Variants in TBC1D8 observed in about 807,000 individuals in gnomAD.
TBC1D8 encodes TBC1 domain family member 8, also known as BUB2-like protein 1.
A neutral mutation model predicts 118.8 loss-of-function variants in TBC1D8; 65 were observed. That is an observed-to-expected ratio of 0.55 (90% CI 0.45 to 0.67). The LOEUF is 0.67. TBC1D8 is among the 30% of genes least tolerant of loss of function. The pLI is 0.00. For missense variants in TBC1D8, 1,376 were observed against 1,471.2 expected (o/e 0.94, Z 1.06); for synonymous variants, 566 against 595.8 (o/e 0.95, Z 0.73).
chr2:101,071,390 T>TAAGC (rs1168695149), intron 2 of TBC1D8, among the ~76,000 whole-genome samples: 146 of 149,138 alleles, frequency 9.8e-4, no homozygotes, highest in African/African-American at 3.5e-3. Flanking sequence ...AATAAATAAA[T>TAAGC]AAGCATCGGC....
At chr2:101,037,322 C>G (rs568965613) in intron 8 of TBC1D8, among the ~76,000 whole-genome samples, 12 of 152,332 alleles carry the variant, frequency 7.9e-5, no homozygotes, top group African/African-American at 2.4e-4. Flanking sequence ...GAGAGCTGCG[C>G]GAGGTTTACC....
chr2:101,045,950 G>A (rs920938064), intron 5 of TBC1D8, among the ~76,000 whole-genome samples: 22 of 152,040 alleles, frequency 1.4e-4, no homozygotes, highest in Non-Finnish European at 2.1e-4. Context: ...CTGAGATCAC[G>A]CCACCGCACT....
intron 1 of TBC1D8, among the ~76,000 whole-genome samples, chr2:101,147,480 T>C (rs1370921341): frequency 3.3e-5 from 5 of 152,182 alleles, no homozygotes; most frequent in Non-Finnish European, 5.9e-5. Flanking sequence ...ACGTTTTTCC[T>C]TTGTCTTTTC....
Position 101,045,210 on chromosome 2 carries a change from T to C in TBC1D8, c.873-4825A>G, listed in dbSNP as rs114812842. 1.0e-2 allele frequency among the ~76,000 whole-genome samples: 1,521 copies of C among 152,308 alleles called. 17 individuals carry two copies. Among genetic ancestry groups the C allele is most frequent in the South Asian group, 0.015 (73 of 4,832 alleles). On this transcript the variant is annotated intron_variant, in intron 5 of 19. Coordinates refer to ENST00000409318, the MANE Select transcript of TBC1D8 (RefSeq NM_001330348.2). ...TTCTAGAAAAGTTACACTTACACAT[T>C]CTTAAAAAAATTCAGCTTAATCCCT...
chr2:101,093,354 T>C (rs1445263175), intron 1 of TBC1D8, among the ~76,000 whole-genome samples: 1 of 152,116 alleles, frequency 6.6e-6, no homozygotes, highest in Non-Finnish European at 1.5e-5. Context: ...CATACTTACA[T>C]ACATACTTAC....
rs374576474 is a variant in TBC1D8, at chr2:101,148,450, T to C, written c.127+2677A>G. ...TTTAGCAATGAAAAAAATAAATTGG[T>C]ATATTGTAAGAGAAAGTGAGAAGGA... On this transcript the variant is annotated intron_variant, in intron 1 of 19. Transcript: ENST00000409318. Among the ~76,000 whole-genome samples, 117 of 151,956 alleles carry C rather than the reference T, an allele frequency of 7.7e-4. 2 individuals carry two copies. The highest frequency in any genetic ancestry group is 2.3e-3 in the African/African-American group (95 of 41,444).
At chr2:101,050,331 A>G (rs1418567907) in intron 5 of TBC1D8, 70 bp downstream of exon 5, 15 of 1,543,264 alleles carry the variant, frequency 9.7e-6, no homozygotes, top group Non-Finnish European at 1.2e-5. Context: ...AAGCACTTGT[A>G]CATAAGGGAT....
At chr2:101,129,582 C>T (rs998217580) in intron 1 of TBC1D8, among the ~76,000 whole-genome samples, 1 of 152,148 alleles carries the variant, frequency 6.6e-6, no homozygotes, top group African/African-American at 2.4e-5. Context: ...GCCAGGAACA[C>T]CCACATTTCA....
intron 1 of TBC1D8, among the ~76,000 whole-genome samples, chr2:101,116,987 G>A (rs1677849413): frequency 1.3e-5 from 2 of 152,080 alleles, no homozygotes; most frequent in Non-Finnish European, 2.9e-5. Flanking sequence ...TACTGGAGGT[G>A]GTAGGCCCTT....
At chr2:101,078,613 A>C (rs1191785880) in intron 2 of TBC1D8, among the ~76,000 whole-genome samples, 1 of 151,958 alleles carries the variant, frequency 6.6e-6, no homozygotes, top group Non-Finnish European at 1.5e-5. Context: ...ATAACTCAAG[A>C]AGGGCAAAAC....
chr2:101,073,397 C>A (rs970128081), intron 2 of TBC1D8, among the ~76,000 whole-genome samples: 1 of 151,572 alleles, frequency 6.6e-6, no homozygotes, highest in Non-Finnish European at 1.5e-5. Context: ...TGGGTTCATG[C>A]CATTCTCCTG....
At chr2:101,077,179 A>T (rs1209057601) in intron 2 of TBC1D8, among the ~76,000 whole-genome samples, 1 of 150,778 alleles carries the variant, frequency 6.6e-6, no homozygotes, top group African/African-American at 2.4e-5. Flanking sequence ...GCCCACCACC[A>T]CGCCCAGCTA....
chr2:101,090,629 C>T (rs141441021), intron 1 of TBC1D8, among the ~76,000 whole-genome samples: 1,616 of 152,316 alleles, frequency 0.011, 29 homozygotes, highest in African/African-American at 0.037. Flanking sequence ...CTGAACCAGT[C>T]GCCCAGCCTA....
At chr2:101,070,789 T>G (rs1232503663) in intron 2 of TBC1D8, among the ~76,000 whole-genome samples, 1 of 152,228 alleles carries the variant, frequency 6.6e-6, no homozygotes, top group Non-Finnish European at 1.5e-5. Flanking sequence ...TTCAAGGACT[T>G]GAGAATTACA....
At chr2:101,065,702 G>A (rs1386381038) in intron 2 of TBC1D8, among the ~76,000 whole-genome samples, 2 of 151,938 alleles carry the variant, frequency 1.3e-5, no homozygotes, top group Non-Finnish European at 2.9e-5. Context: ...AAATTTCCTT[G>A]GCTTTTTTTT....
At chr2:101,150,568 T>C (rs1679512699) in intron 1 of TBC1D8, among the ~76,000 whole-genome samples, 2 of 152,234 alleles carry the variant, frequency 1.3e-5, no homozygotes, top group African/African-American at 4.8e-5. Context: ...GTTCAATTTC[T>C]CTACTGAGAT....
At chr2:101,094,082 G>A (rs991036165) in intron 1 of TBC1D8, among the ~76,000 whole-genome samples, 3 of 151,936 alleles carry the variant, frequency 2.0e-5, no homozygotes, top group Non-Finnish European at 2.9e-5. Flanking sequence ...ACCCCATCCA[G>A]GCTATAACAC....
At chr2:101,056,704 G>A (rs950155499) in intron 3 of TBC1D8, among the ~76,000 whole-genome samples, 2 of 152,146 alleles carry the variant, frequency 1.3e-5, no homozygotes, top group African/African-American at 2.4e-5. Flanking sequence ...AGTGAGGCGT[G>A]GAGGGGTCTT....
intron 2 of TBC1D8, among the ~76,000 whole-genome samples, chr2:101,088,204 G>T (rs1037411128): frequency 6.6e-6 from 1 of 152,080 alleles, no homozygotes; most frequent in Non-Finnish European, 1.5e-5. Flanking sequence ...GAAACTAGAG[G>T]TTACTTTGGG....
Sources: allele counts gnomAD v4.1 joint callset (sites outside exome capture counted in the v4.1 genomes callset), GRCh38; gene constraint gnomAD v4.1.1; transcripts MANE v1.5; gene names NCBI Gene and HGNC (gene_info 2026-07-23, HGNC 2026-07-21).